Variants in USP6NL observed in about 807,000 individuals in gnomAD.
USP6NL encodes the protein USP6 N-terminal like, also known as USP6 N-terminal-like protein.
Under a neutral mutation model 61.9 loss-of-function variants are expected in USP6NL, and 26 were observed. The observed-to-expected ratio is 0.42, with a 90% CI of 0.31 to 0.58. USP6NL has a LOEUF of 0.58. USP6NL is among the 20% of genes least tolerant of loss of function. USP6NL has a pLI of 0.16. For synonymous variants in USP6NL, 432 were observed against 390.1 expected, an observed-to-expected ratio of 1.11 and a Z score of -1.27; for missense variants, 1,114 against 1,034.3, an observed-to-expected ratio of 1.08 and a Z score of -1.06.
intron 2 of USP6NL, among the ~76,000 whole-genome samples, chr10:11,593,031 A>T (rs1434022149): frequency 2.0e-5 from 3 of 152,226 alleles, no homozygotes; most frequent in Non-Finnish European, 4.4e-5. Context: ...AACATTTCAT[A>T]TCGAAAAATG....
At position 11,527,555 on chromosome 10, in the gene USP6NL, T is replaced by C. The variant is rs942009067; in HGVS notation, c.17A>G (p.Asp6Gly). The C allele has an allele frequency of 1.2e-6, 2 of 1,609,292 alleles. No homozygotes were observed. Among genetic ancestry groups the C allele is most frequent in the Non-Finnish European group, 1.7e-6 (2 of 1,177,616 alleles). ...CTCCTGGGCAAGTTTGAGTGCTACA[T>C]CCTGGTCTGAATCTGTGGAGAAGAC... is the stretch of plus-strand genomic sequence containing the variant. MNSDQDVALKLAQERA... is the reference protein window; with the variant it reads MNSDQGVALKLAQERA... Residue 6 changes from aspartate to glycine, a missense_variant, in exon 3 of 15, where the codon GAT (aspartate) becomes GGT (glycine). Transcript: ENST00000609104.
At chr10:11,530,057 G>A (rs749873752) in intron 2 of USP6NL, among the ~76,000 whole-genome samples, 18 of 145,234 alleles carry the variant, frequency 1.2e-4, no homozygotes, top group African/African-American at 1.5e-4. Flanking sequence ...AGCTGAGATC[G>A]TGCCACTGCA....
At chr10:11,547,541 A>AC (rs1836315254) in intron 2 of USP6NL, among the ~76,000 whole-genome samples, 2 of 138,916 alleles carry the variant, frequency 1.4e-5, no homozygotes, top group Non-Finnish European at 3.1e-5. Flanking sequence ...GCATTTTAAA[A>AC]CTTTTTTTTT....
In USP6NL at chr10:11,484,276, T is replaced by C. The variant is rs144392874; in HGVS notation, c.925+695A>G. Among the ~76,000 whole-genome samples the C allele has an allele frequency of 3.3e-5, 5 of 152,326 alleles. No individual in the cohort carries two copies. In the East Asian group the frequency reaches 7.7e-4, roughly 23 times the overall value. On this transcript the variant is annotated intron_variant, in intron 13 of 14. Transcript: ENST00000609104. ...AATTTTTAAGGCTGAATTGAAACTTTAAAGATGAACAAGGTTCTTCATGAA... is the reference window on the plus strand; with the variant it reads ...AATTTTTAAGGCTGAATTGAAACTTCAAAGATGAACAAGGTTCTTCATGAA...
chr10:11,607,131 G>T (rs55882231), intron 1 of USP6NL, among the ~76,000 whole-genome samples: 1 of 151,984 alleles, frequency 6.6e-6, no homozygotes. Flanking sequence ...AGTTATTATA[G>T]GCCAATTCAT....
At chr10:11,567,268 G>C (rs1837197210) in intron 2 of USP6NL, among the ~76,000 whole-genome samples, 1 of 152,086 alleles carries the variant, frequency 6.6e-6, no homozygotes, top group African/African-American at 2.4e-5. Flanking sequence ...ACCTTTCAAG[G>C]TCATTTCAAG....
Position 11,493,051 on chromosome 10 carries a change from C to A in USP6NL, c.494+68G>T, listed in dbSNP as rs558594763. ...CGAAATTACAGTCTATAAAGGCATT[C>A]TAATTTTAAGTTAATAAAGACTATT... On this transcript the variant is annotated intron_variant, in intron 8 of 14. Transcript: ENST00000609104. 1.0e-5 allele frequency: 14 copies of A among 1,404,390 alleles called. No individual in the cohort carries two copies. In the South Asian group the frequency reaches 1.3e-4, roughly 13 times the overall value. 87.0% of individuals were successfully genotyped at this position (1,404,390 alleles called of 1,614,324 possible). A position where few individuals can be genotyped will look rare whatever the true frequency, so the allele number is the denominator to read the frequency against.
At chr10:11,555,252 C>T (rs1203885097) in intron 2 of USP6NL, among the ~76,000 whole-genome samples, 2 of 147,050 alleles carry the variant, frequency 1.4e-5, no homozygotes, top group African/African-American at 2.5e-5. Flanking sequence ...CGCGTCTCTA[C>T]TAAAGTACAA....
rs1241112670 is a variant in USP6NL at position 11,482,987 on chromosome 10, G to C, written c.926-1065C>G. Among the ~76,000 whole-genome samples, 1 of 152,126 alleles carries C rather than the reference G, an allele frequency of 6.6e-6. No homozygotes were observed. Among genetic ancestry groups the C allele is most frequent in the Non-Finnish European group, 1.5e-5 (1 of 68,030 alleles). On this transcript the variant is annotated intron_variant, in intron 13 of 14. Coordinates refer to ENST00000609104, the MANE Select transcript of USP6NL (RefSeq NM_014688.5). The surrounding 1 kb of genome is among the most constrained non-coding windows in gnomAD (Gnocchi z 4.0). ...TACCTCACATACTTATCTGTCCATA[G>C]TGAGAACATTTAAGATGTACTCTCA... is the stretch of plus-strand genomic sequence containing the variant.
chr10:11,572,258 A>C (rs1261572038), intron 2 of USP6NL, among the ~76,000 whole-genome samples: 1 of 152,080 alleles, frequency 6.6e-6, no homozygotes, highest in South Asian at 2.1e-4. Flanking sequence ...GAAATAGTAA[A>C]AGCTATTTTC....
chr10:11,483,443 C>T (rs2133228962), intron 13 of USP6NL, among the ~76,000 whole-genome samples: 1 of 125,884 alleles, frequency 7.9e-6, no homozygotes, highest in African/African-American at 3.1e-5. Flanking sequence ...AACTGTACTT[C>T]TGTTCTCTAT....
At chr10:11,497,411 CAAAAAAAAA>C (rs11307707) in intron 7 of USP6NL, among the ~76,000 whole-genome samples, 1 of 106,060 alleles carries the variant, frequency 9.4e-6, no homozygotes, top group East Asian at 2.5e-4. Context: ...GACTCAGTCT[CAAAAAAAAA>C]AAAAAAAGAA....
At chr10:11,558,761 T>C (rs1438490919) in intron 2 of USP6NL, among the ~76,000 whole-genome samples, 1 of 152,218 alleles carries the variant, frequency 6.6e-6, no homozygotes, top group Non-Finnish European at 1.5e-5. Context: ...TACATATAAA[T>C]ATCTAAACTC....
chr10:11,529,262 T>C (rs1835547970), intron 2 of USP6NL, among the ~76,000 whole-genome samples: 2 of 152,156 alleles, frequency 1.3e-5, no homozygotes, highest in South Asian at 4.1e-4. Flanking sequence ...AACCAAAAAA[T>C]GCACTGATAA....
intron 2 of USP6NL, among the ~76,000 whole-genome samples, chr10:11,554,801 C>CTTTT (rs11370788): frequency 7.8e-6 from 1 of 128,276 alleles, no homozygotes; most frequent in African/African-American, 2.8e-5. Flanking sequence ...AGTAAGGCAG[C>CTTTT]TTTTTTTTTT....
At chr10:11,479,637 G>A (rs1002034184) in intron 14 of USP6NL, among the ~76,000 whole-genome samples, 5 of 149,042 alleles carry the variant, frequency 3.4e-5, no homozygotes, top group South Asian at 2.1e-4. Flanking sequence ...GCGCAGTGAC[G>A]CGATCTCAGC....
chr10:11,491,218 T>TC lies in USP6NL; in HGVS notation c.495-339dup, dbSNP rs539945781. On this transcript the variant is annotated intron_variant, in intron 8 of 14. Coordinates refer to ENST00000609104, the MANE Select transcript of USP6NL (RefSeq NM_014688.5). This position sits in a 1 kb window ranked among gnomAD's most constrained non-coding sequence, Gnocchi z 4.7. Reference sequence around the variant, plus strand: ...AATGGTGGAATGGCCTTTTGAAGGCTCAGTGACATTGCCAGCAAGGTACAA... The same window carrying TC: ...AATGGTGGAATGGCCTTTTGAAGGCTCCAGTGACATTGCCAGCAAGGTACAA... Among the ~76,000 whole-genome samples, 225 of 152,256 alleles carry TC rather than the reference T, an allele frequency of 1.5e-3. 2 individuals carry two copies. The highest frequency in any genetic ancestry group is 5.1e-3 in the African/African-American group (213 of 41,556).
At chr10:11,469,936 A>G (rs1832658753) in intron 14 of USP6NL, among the ~76,000 whole-genome samples, 1 of 151,656 alleles carries the variant, frequency 6.6e-6, no homozygotes, top group African/African-American at 2.4e-5. Context: ...CGCTGCGATT[A>G]TGCCATCTAC....
In USP6NL at chr10:11,461,454, G is replaced by A. The variant is rs1210987626; in HGVS notation, c.*987C>T. On this transcript the variant is annotated 3_prime_UTR_variant, in exon 15 of 15. Transcript: ENST00000609104. ...GAGGACAGAAATGGATTGTATAAAT[G>A]GCCACCCTGGGACCTTCGTGGGGAG... is the stretch of plus-strand genomic sequence containing the variant. 2 of 152,128 alleles carry A rather than the reference G, an allele frequency of 1.3e-5. No homozygotes were observed. Among genetic ancestry groups the A allele is most frequent in the African/African-American group, 4.8e-5 (2 of 41,404 alleles). 9.4% of individuals were successfully genotyped at this position (152,128 alleles called of 1,614,324 possible).
Sources: gnomAD v4.1 joint callset for allele counts (sites outside exome capture counted in the v4.1 genomes callset) on GRCh38, gnomAD v4.1.1 for gene constraint, Gnocchi (gnomAD v3.1) non-coding constraint, MANE v1.5 for transcripts, NCBI Gene and HGNC (gene_info 2026-07-23, HGNC 2026-07-21) for gene names.